The following EFCAB6 variants were observed in gnomAD, a reference collection of about 807,000 sequenced individuals.
EFCAB6 encodes EF-hand calcium binding domain 6.
A neutral mutation model predicts 169.8 loss-of-function variants in EFCAB6; 156 were observed. That is an observed-to-expected ratio of 0.92 (90% CI 0.81 to 1.05). The LOEUF (loss-of-function observed/expected upper bound fraction) is 1.05, where lower values mean the gene tolerates loss of function less well. Among genes scored for constraint, EFCAB6 ranks in the 50% least tolerant of loss-of-function variants. The pLI, the probability that EFCAB6 is intolerant of heterozygous loss-of-function variation, is 0.00. For missense variants in EFCAB6, 1,800 were observed against 1,829.1 expected (o/e 0.98, Z 0.29); for synonymous variants, 698 against 676.4 (o/e 1.03, Z -0.50).
rs148982981 is a variant in EFCAB6 at position 43,580,427 on chromosome 22, T to C, written c.3228+37A>G. 1,111 of 1,603,810 alleles carry C rather than the reference T, an allele frequency of 6.9e-4. 2 individuals are homozygous for C. The highest frequency in any genetic ancestry group is 8.0e-4 in the Non-Finnish European group (934 of 1,173,922). ...TGAGAGGTGTTTTCATGAATCAAGA[T>C]GAGTTTTCACAGTAAAGCACTTTCA... is the stretch of plus-strand genomic sequence containing the variant. On this transcript the variant is annotated intron_variant, in intron 25 of 31. Transcript: ENST00000262726.
intron 2 of EFCAB6, among the ~76,000 whole-genome samples, chr22:43,789,271 T>C (rs549647267): frequency 2.3e-4 from 35 of 152,198 alleles, no homozygotes; most frequent in Admixed American, 1.0e-3. Flanking sequence ...AATTTTATGG[T>C]ATATGAATTA....
intron 17 of EFCAB6, among the ~76,000 whole-genome samples, chr22:43,663,149 T>C (rs549969488): frequency 6.6e-6 from 1 of 152,364 alleles, no homozygotes; most frequent in South Asian, 2.1e-4. Flanking sequence ...ACCGTCATCG[T>C]TATTATTCCA....
intron 8 of EFCAB6, among the ~76,000 whole-genome samples, chr22:43,720,056 G>T (rs897755882): frequency 2.0e-5 from 3 of 152,092 alleles, no homozygotes; most frequent in African/African-American, 7.2e-5. Context: ...TGATGGAGGT[G>T]TTAACTAATT....
chr22:43,762,214 T>C (rs1310553074), intron 5 of EFCAB6, among the ~76,000 whole-genome samples: 1 of 152,256 alleles, frequency 6.6e-6, no homozygotes, highest in African/African-American at 2.4e-5. Flanking sequence ...GTGGTTTTCC[T>C]CAGTGTACCC....
chr22:43,741,249 G>A (rs1230135293), intron 6 of EFCAB6, among the ~76,000 whole-genome samples: 1 of 150,914 alleles, frequency 6.6e-6, no homozygotes, highest in African/African-American at 2.4e-5. Context: ...CATGCTGACC[G>A]ACTTTGAATT....
Position 43,608,597 on chromosome 22 carries a change from A to C in EFCAB6, c.2566T>G (p.Phe856Val). 6.2e-7 allele frequency: 1 copy of C among 1,614,110 alleles called. No homozygotes were observed. Among genetic ancestry groups the C allele is most frequent in the Non-Finnish European group, 8.5e-7 (1 of 1,179,976 alleles). Residue 856 changes from phenylalanine to valine, a missense_variant, in exon 22 of 32, where the codon TTT becomes GTT. Physicochemically the swap from Phe to Val is conservative, Grantham distance 50. Coordinates refer to ENST00000262726, the MANE Select transcript of EFCAB6 (RefSeq NM_022785.4). Reference sequence around the variant, plus strand: ...TTGCCCTCATTATCGGTTTCTAGAAAATTCTACAACATCAGAATACGGTAT... The same window carrying C: ...TTGCCCTCATTATCGGTTTCTAGAACATTCTACAACATCAGAATACGGTAT... ...KNRWSDLSKN[F>V]LETDNEGNGI...
intron 19 of EFCAB6, among the ~76,000 whole-genome samples, chr22:43,631,286 T>C (rs544117090): frequency 6.6e-6 from 1 of 151,998 alleles, no homozygotes; most frequent in South Asian, 2.1e-4. Context: ...CCTAACTTTA[T>C]TCACCCTCTT....
At chr22:43,653,787 G>A (rs1239281231) in intron 17 of EFCAB6, among the ~76,000 whole-genome samples, 1 of 152,116 alleles carries the variant, frequency 6.6e-6, no homozygotes, top group Non-Finnish European at 1.5e-5. Flanking sequence ...TTGGAGGAAG[G>A]GGCAGGGGGA....
intron 13 of EFCAB6, among the ~76,000 whole-genome samples, chr22:43,677,651 A>G (rs2057821672): frequency 6.6e-6 from 1 of 151,938 alleles, no homozygotes; most frequent in South Asian, 2.1e-4. Context: ...ACGGAGAGAG[A>G]CTCCATCTCA....
chr22:43,668,773 T>G, intron 16 of EFCAB6, 99 bp downstream of exon 16: 2 of 1,152,834 alleles, frequency 1.7e-6, no homozygotes, highest in Non-Finnish European at 2.3e-6. Context: ...ATTTATAAAA[T>G]GAAATATTAA....
At chr22:43,788,168 T>C (rs942067857) in intron 2 of EFCAB6, among the ~76,000 whole-genome samples, 5 of 152,176 alleles carry the variant, frequency 3.3e-5, no homozygotes, top group African/African-American at 1.2e-4. Flanking sequence ...GACTTTGGAT[T>C]AGACAATGAT....
chr22:43,535,222 G>T (rs534264066), intron 29 of EFCAB6: 5 of 206,888 alleles, frequency 2.4e-5, no homozygotes, highest in East Asian at 1.3e-4. Context: ...GCAGGGGAAG[G>T]TTCCCTGAGC....
intron 6 of EFCAB6, among the ~76,000 whole-genome samples, chr22:43,739,358 T>C (rs2060284698): frequency 6.6e-6 from 1 of 152,070 alleles, no homozygotes; most frequent in Non-Finnish European, 1.5e-5. Flanking sequence ...TCCAGCCTCC[T>C]TGGAGTCTCC....
chr22:43,705,089 C>G (rs936415191), intron 10 of EFCAB6, among the ~76,000 whole-genome samples: 1 of 151,912 alleles, frequency 6.6e-6, no homozygotes, highest in African/African-American at 2.4e-5. Flanking sequence ...ATGCTTATAT[C>G]GGACAAAATA....
intron 3 of EFCAB6, 96 bp downstream of exon 3, chr22:43,782,084 A>C: frequency 8.0e-7 from 1 of 1,251,796 alleles, no homozygotes; most frequent in Non-Finnish European, 1.1e-6. Flanking sequence ...GTGAGGATTA[A>C]ATGTCATATG....
At chr22:43,759,491 T>G (rs1338969008) in intron 5 of EFCAB6, 1 of 152,190 alleles carries the variant, frequency 6.6e-6, no homozygotes, top group East Asian at 1.9e-4. Context: ...AGGGGCCCTC[T>G]CCGTCCATAT....
At chr22:43,577,734 AG>A (rs1224098813) in intron 25 of EFCAB6, among the ~76,000 whole-genome samples, 1 of 152,196 alleles carries the variant, frequency 6.6e-6, no homozygotes, top group Non-Finnish European at 1.5e-5. Flanking sequence ...CGGCAGGCTC[AG>A]GTGTGAAGAG....
chr22:43,672,951 T>A (rs568829128), intron 13 of EFCAB6, among the ~76,000 whole-genome samples: 1 of 152,240 alleles, frequency 6.6e-6, no homozygotes, highest in Admixed American at 6.5e-5. Context: ...ACCCATCACC[T>A]AGAAATTAAA....
intron 10 of EFCAB6, among the ~76,000 whole-genome samples, chr22:43,690,341 TA>T (rs1160344598): frequency 1.3e-3 from 40 of 30,662 alleles, no homozygotes; most frequent in African/African-American, 5.9e-3. Context: ...CTACTAAAAA[TA>T]CAAAAAAAAA....
Sources: allele counts gnomAD v4.1 joint callset (sites outside exome capture counted in the v4.1 genomes callset), GRCh38; gene constraint gnomAD v4.1.1; transcripts MANE v1.5; gene names NCBI Gene and HGNC (gene_info 2026-07-23, HGNC 2026-07-21).